PHRF1: variants seen among roughly 807,000 people sequenced by gnomAD.
PHRF1 encodes PHD and RING finger domain-containing protein 1.
In PHRF1, 53 loss-of-function variants were observed where a neutral mutation model predicts 128.9. The ratio of observed to expected loss-of-function variants is 0.41; its 90% CI spans 0.33 to 0.52. PHRF1 has a LOEUF of 0.52. PHRF1 is among the 20% of genes least tolerant of loss of function. PHRF1 has a pLI of 0.21. For synonymous variants in PHRF1, 1,178 were observed against 980.6 expected, an observed-to-expected ratio of 1.20 and a Z score of -3.76; for missense variants, 2,503 against 2,284.5, an observed-to-expected ratio of 1.10 and a Z score of -1.95.
Position 592,646 on chromosome 11 carries a change from C to T in PHRF1, c.592C>T (p.Leu198Phe). 1.2e-6 allele frequency: 2 copies of T among 1,614,074 alleles called. No individual in the cohort carries two copies. Among genetic ancestry groups the T allele is most frequent in the Non-Finnish European group, 1.7e-6 (2 of 1,179,908 alleles). The change falls in exon 6 of 18, where the codon CTT becomes TTT. Residue 198 changes from leucine to phenylalanine, a missense_variant. Physicochemically the swap from Leu to Phe is conservative, Grantham distance 22 (BLOSUM62 0). Transcript: ENST00000264555. ...VCGRSDREDR[L>F]LLCDGCDAGY... is the part of the protein sequence containing the mutation. The stretch of plus-strand genomic sequence containing the variant: ...CGGCAGGAGCGACCGTGAGGACAGG[C>T]TTTTGCTCTGCGACGGCTGCGATGC...
chr11:604,754 T>C (rs1855843165), intron 10 of PHRF1, among the ~76,000 whole-genome samples: 1 of 152,210 alleles, frequency 6.6e-6, no homozygotes, highest in Admixed American at 6.5e-5. Context: ...TCAAATGATC[T>C]GTCTGCCTTG....
In PHRF1 at chr11:607,710, G is replaced by T. The variant is rs775864903; in HGVS notation, c.2254G>T (p.Ala752Ser). ...GVHTGSSRPP[A>S]PSSHGSLAPL... The stretch of plus-strand genomic sequence containing the variant: ...GCACACGGGCAGCTCCCGGCCCCCA[G>T]CCCCCAGCTCCCATGGCAGTTTGGC... The change falls in exon 14 of 18, where the codon GCC becomes TCC. Residue 752 changes from alanine (A) to serine (S), a missense_variant. Coordinates refer to ENST00000264555, the MANE Select transcript of PHRF1 (RefSeq NM_001286581.2). The T allele has an allele frequency of 3.1e-6, 5 of 1,610,792 alleles. No homozygotes were observed. The highest frequency in any genetic ancestry group is 1.7e-5 in the Admixed American group (1 of 59,904).
At chr11:578,854 T>A (rs540442804) in intron 1 of PHRF1, among the ~76,000 whole-genome samples, 26 of 152,118 alleles carry the variant, frequency 1.7e-4, no homozygotes, top group African/African-American at 6.0e-4. Flanking sequence ...CCCGGCTGAT[T>A]CACATTTTTT....
chr11:587,814 A>T (rs1211794748), intron 4 of PHRF1, among the ~76,000 whole-genome samples: 1 of 152,148 alleles, frequency 6.6e-6, no homozygotes, highest in Non-Finnish European at 1.5e-5. Flanking sequence ...CTGCCTTGAC[A>T]TGTGGTTCTC....
chr11:581,841 G>A, intron 2 of PHRF1, 121 bp from the exon 3 acceptor site: 1 of 1,393,096 alleles, frequency 7.2e-7, no homozygotes, highest in Non-Finnish European at 9.5e-7. Context: ...TGCCGGCCCT[G>A]GGGAAGCCGT....
chr11:596,874 G>A, intron 6 of PHRF1, 49 bp from the exon 7 acceptor site: 1 of 1,560,014 alleles, frequency 6.4e-7, no homozygotes, highest in South Asian at 1.1e-5. Flanking sequence ...GGAGGTTTGG[G>A]AAAGCTGTGA....
intron 1 of PHRF1, among the ~76,000 whole-genome samples, chr11:581,290 G>T (rs111737288): frequency 5.0e-3 from 758 of 150,996 alleles, no homozygotes; most frequent in African/African-American, 0.018. Flanking sequence ...GGCGGTGGAT[G>T]TGACACTGGG....
chr11:605,010 G>A (rs950250775), intron 10 of PHRF1, 109 bp from the exon 11 acceptor site: 13 of 1,132,770 alleles, frequency 1.1e-5, no homozygotes, highest in Non-Finnish European at 1.5e-5. Context: ...AGTATTTTCC[G>A]GCTCTAGTGT....
At chr11:578,379 C>T (rs902432264) in intron 1 of PHRF1, among the ~76,000 whole-genome samples, 3 of 152,188 alleles carry the variant, frequency 2.0e-5, no homozygotes, top group Non-Finnish European at 4.4e-5. Context: ...GGAGTCTTCC[C>T]TCACCAGCTG....
intron 1 of PHRF1, among the ~76,000 whole-genome samples, chr11:577,903 T>G (rs7119851): frequency 0.082 from 12,466 of 152,268 alleles, 788 homozygotes; most frequent in African/African-American, 0.18. Flanking sequence ...CCTTTCCAGT[T>G]TTTTGTTTTC....
In PHRF1 at chr11:609,540, G is replaced by T; in HGVS notation, c.4084G>T (p.Asp1362Tyr). 6.2e-7 allele frequency: 1 copy of T among 1,600,448 alleles called. No individual in the cohort carries two copies. ...AEKAEAPSSP[D>Y]VAPAGKEDSP... ...GAAGGCTGAGGCACCCAGTTCCCCGGATGTGGCGCCTGCGGGGAAGGAAGA... is the reference window on the plus strand; with the variant it reads ...GAAGGCTGAGGCACCCAGTTCCCCGTATGTGGCGCCTGCGGGGAAGGAAGA... The change falls in exon 14 of 18, where the codon GAT becomes TAT. Residue 1362 changes from aspartate to tyrosine, a missense_variant. Physicochemically the swap from Asp to Tyr is radical, Grantham distance 160 (BLOSUM62 -3). Transcript: ENST00000264555.
intron 4 of PHRF1, among the ~76,000 whole-genome samples, chr11:591,153 A>G (rs915914196): frequency 3.9e-5 from 6 of 152,088 alleles, no homozygotes; most frequent in Non-Finnish European, 7.4e-5. Flanking sequence ...CTTACTTGTC[A>G]CTGAGATGCT....
At chr11:591,347 A>T (rs749843217) in intron 4 of PHRF1, 37 bp from the exon 5 acceptor site, 1 of 1,548,574 alleles carries the variant, frequency 6.5e-7, no homozygotes, top group African/African-American at 1.4e-5. Context: ...AGTGAAAGTG[A>T]TTGACAAGAT....
In PHRF1 at chr11:608,042, C is replaced by T; in HGVS notation, c.2586C>T (p.Thr862=). Residue 862 remains threonine (T), a synonymous_variant, in exon 14 of 18, where the codon ACC becomes ACT. Transcript: ENST00000264555. ...PGLLPSEITR[T]ISINSPKAQT... ...TCCTGCCCTCTGAGATCACACGAAC[C>T]ATCTCCATCAACAGCCCGAAGGCCC... 6.2e-7 allele frequency: 1 copy of T among 1,611,420 alleles called. No homozygotes were observed. The highest frequency in any genetic ancestry group is 1.7e-5 in the Admixed American group (1 of 60,036).
In PHRF1 at chr11:605,305, G is replaced by A. The variant is rs1589895201; in HGVS notation, c.1334+5G>A. ...TGAGCTGGATCCCTTCGACAGGTGA[G>A]TGAACTGGTGATGGTCCTGCCTGGG... is the stretch of plus-strand genomic sequence containing the variant. On this transcript the variant is annotated splice_donor_5th_base_variant and intron_variant, in intron 11 of 17. Coordinates refer to ENST00000264555, the MANE Select transcript of PHRF1 (RefSeq NM_001286581.2). 1 of 1,612,134 alleles carries A rather than the reference G, an allele frequency of 6.2e-7. No homozygotes were observed. Among genetic ancestry groups the A allele is most frequent in the Non-Finnish European group, 8.5e-7 (1 of 1,178,722 alleles).
Position 605,081 on chromosome 11 carries a change from G to A in PHRF1, c.1153-38G>A, listed in dbSNP as rs373399678. On this transcript the variant is annotated intron_variant, in intron 10 of 17. Transcript: ENST00000264555. ...CAGAGCCCTCGTAGATGCCATCCCC[G>A]TCTCTCTGTTCATCTTTTTCTTTGT... The A allele has an allele frequency of 2.2e-5, 35 of 1,572,822 alleles. 1 individual carries two copies. The highest frequency in any genetic ancestry group is 2.2e-4 in the African/African-American group (16 of 74,164).
chr11:591,547 G>T (rs1486928972), intron 5 of PHRF1, 80 bp downstream of exon 5: 2 of 1,206,342 alleles, frequency 1.7e-6, no homozygotes, highest in Non-Finnish European at 2.3e-6. Flanking sequence ...TTCCAAAGTG[G>T]GCTTGCTCTC....
In PHRF1 at chr11:609,170, C is replaced by T. The variant is rs1455739480; in HGVS notation, c.3714C>T (p.Ala1238=). 6.2e-6 allele frequency: 10 copies of T among 1,606,156 alleles called. No homozygotes were observed. Among genetic ancestry groups the T allele is most frequent in the East Asian group, 2.2e-5 (1 of 44,860 alleles). The part of the protein sequence containing the change: ...VSPEVATADK[A]PLQAPPVLEV... ...CGGAGGTGGCTACGGCCGACAAGGCCCCCCTGCAGGCTCCCCCTGTCCTGG... is the reference window on the plus strand; with the variant it reads ...CGGAGGTGGCTACGGCCGACAAGGCTCCCCTGCAGGCTCCCCCTGTCCTGG... The change falls in exon 14 of 18, where the codon GCC becomes GCT. Residue 1238 remains alanine, a synonymous_variant. Coordinates refer to ENST00000264555, the MANE Select transcript of PHRF1 (RefSeq NM_001286581.2).
chr11:606,044 T>A (rs1855920701), intron 12 of PHRF1, among the ~76,000 whole-genome samples: 1 of 152,232 alleles, frequency 6.6e-6, no homozygotes, highest in South Asian at 2.1e-4. Flanking sequence ...CCCTGGTGAA[T>A]AAGGCTGTCA....
Sources: allele counts gnomAD v4.1 joint callset (sites outside exome capture counted in the v4.1 genomes callset), GRCh38; gene constraint gnomAD v4.1.1; transcripts MANE v1.5; gene names NCBI Gene and HGNC (gene_info 2026-07-23, HGNC 2026-07-21).